The following DCAF17 variants were observed in gnomAD, a reference collection of about 807,000 sequenced individuals.
DCAF17 encodes the protein DDB1- and CUL4-associated factor 17.
A neutral mutation model predicts 66.0 loss-of-function variants in DCAF17; 48 were observed. The ratio of observed to expected loss-of-function variants is 0.73; its 90% CI spans 0.58 to 0.92. DCAF17 has a LOEUF of 0.92. DCAF17 is among the 40% of genes least tolerant of loss of function. The pLI, the probability that DCAF17 is intolerant of heterozygous loss-of-function variation, is 0.00. For missense variants in DCAF17, 562 were observed against 622.8 expected (o/e 0.90, Z 1.04); for synonymous variants, 206 against 214.6 (o/e 0.96, Z 0.35).
In DCAF17 at chr2:171,481,494, G is replaced by A. The variant is rs545393430; in HGVS notation, c.*380G>A. On this transcript the variant is annotated 3_prime_UTR_variant, in exon 14 of 14. Transcript: ENST00000375255. Reference sequence around the variant, plus strand: ...TATGGAATTTTGTTTGTTAAGGCTAGGAAAGACAGGGAGAGACAAAAGTAA... The same window carrying A: ...TATGGAATTTTGTTTGTTAAGGCTAAGAAAGACAGGGAGAGACAAAAGTAA... 58 of 456,482 alleles carry A rather than the reference G, an allele frequency of 1.3e-4. No homozygotes were observed. The highest frequency in any genetic ancestry group is 9.0e-4 in the South Asian group (58 of 64,500). 28.3% of individuals were successfully genotyped at this position (456,482 alleles called of 1,614,324 possible).
At chr2:171,448,891 C>T in intron 4 of DCAF17, 74 bp downstream of exon 4, 2 of 1,380,726 alleles carry the variant, frequency 1.4e-6, no homozygotes, top group Non-Finnish European at 2.0e-6. Flanking sequence ...AATTTCAAGC[C>T]TTTTTTCCCT....
At chr2:171,449,708 CATATGGGG>C (rs1170409610) in intron 4 of DCAF17, among the ~76,000 whole-genome samples, 163 bp from the exon 5 acceptor site, 44 of 151,980 alleles carry the variant, frequency 2.9e-4, no homozygotes, top group African/African-American at 9.9e-4. Context: ...GGGATATGTC[CATATGGGG>C]ATATAGAGGA....
At chr2:171,464,819 G>A (rs1695801380) in intron 8 of DCAF17, among the ~76,000 whole-genome samples, 1 of 151,964 alleles carries the variant, frequency 6.6e-6, no homozygotes, top group Non-Finnish European at 1.5e-5. Flanking sequence ...AACTCATACT[G>A]AGCTTCTTGA....
chr2:171,472,218 T>G (rs1696281852), intron 9 of DCAF17, among the ~76,000 whole-genome samples: 1 of 152,070 alleles, frequency 6.6e-6, no homozygotes, highest in African/African-American at 2.4e-5. Flanking sequence ...TTTACTCTGT[T>G]GCCCAGGCTG....
chr2:171,463,808 C>G (rs1161062502), intron 8 of DCAF17, among the ~76,000 whole-genome samples: 1 of 152,162 alleles, frequency 6.6e-6, no homozygotes, highest in Admixed American at 6.5e-5. Context: ...TGGCATTTTT[C>G]TAGAAATAAA....
Position 171,435,234 on chromosome 2 carries a change from T to A in DCAF17, c.230+48T>A, listed in dbSNP as rs1281473873. ...GCTGTAATTCACCTCACTGTTGATC[T>A]TAACTATAATTTGTATAGAACCACA... On this transcript the variant is annotated intron_variant, in intron 2 of 13. Transcript: ENST00000375255. 2.2e-6 allele frequency: 3 copies of A among 1,375,246 alleles called. No homozygotes were observed. The African/African-American group carries it at 4.3e-5, about 20-fold the overall frequency. 85.2% of individuals were successfully genotyped at this position (1,375,246 alleles called of 1,614,324 possible).
chr2:171,481,786 AG>A lies in DCAF17; in HGVS notation c.*673del, dbSNP rs1253025313. On this transcript the variant is annotated 3_prime_UTR_variant, in exon 14 of 14. Coordinates refer to ENST00000375255, the MANE Select transcript of DCAF17 (RefSeq NM_025000.4). ...GTGTTTCTATATAGGCTAATGTAAA[AG>A]ATTCCAAGCAAACCTTAAGTGAAAT... 10 of 453,422 alleles carry A rather than the reference AG, an allele frequency of 2.2e-5. No individual in the cohort carries two copies. Among genetic ancestry groups the A allele is most frequent in the Admixed American group, 1.9e-4 (8 of 42,478 alleles). The allele number at this position is 453,422 out of a possible 1,614,324, so 28.1% of individuals were successfully genotyped here.
intron 10 of DCAF17, 36 bp downstream of exon 10, chr2:171,474,011 A>G: frequency 6.5e-7 from 1 of 1,533,376 alleles, no homozygotes; most frequent in South Asian, 1.1e-5. Context: ...AGTTAAGAGC[A>G]GCTTTTGGTA....
At chr2:171,453,061 T>C in intron 5 of DCAF17, 63 bp from the exon 6 acceptor site, 1 of 1,179,062 alleles carries the variant, frequency 8.5e-7, no homozygotes, top group Non-Finnish European at 1.2e-6. Context: ...TTTCAACTAA[T>C]GAAAACAGTG....
intron 8 of DCAF17, among the ~76,000 whole-genome samples, chr2:171,467,743 A>C (rs867939564): frequency 0.013 from 1,949 of 151,582 alleles, 67 homozygotes; most frequent in African/African-American, 0.043. Flanking sequence ...AAAAAAAAAA[A>C]AAAAAAAAAA....
chr2:171,447,663 C>T (rs1427580602), intron 3 of DCAF17, among the ~76,000 whole-genome samples: 1 of 152,148 alleles, frequency 6.6e-6, no homozygotes, highest in African/African-American at 2.4e-5. Context: ...CACCTAGCCA[C>T]TTCTTTTTTT....
chr2:171,435,457 A>T (rs760780121), intron 2 of DCAF17, among the ~76,000 whole-genome samples: 1 of 152,166 alleles, frequency 6.6e-6, no homozygotes, highest in Non-Finnish European at 1.5e-5. Context: ...TGTTTAGTCT[A>T]CTTATACCAC....
rs748029308 is a variant in DCAF17, at chr2:171,448,679, A to G, written c.322-2A>G. On this transcript the variant is annotated splice_acceptor_variant, in intron 3 of 13. Coordinates refer to ENST00000375255, the MANE Select transcript of DCAF17 (RefSeq NM_025000.4). LOFTEE classifies it high-confidence loss of function. ...TTTTTATATCTCTCTTTTTTTTTTT[A>G]GGGAGATATACTTCCCAATTCATCA... 6.8e-7 allele frequency: 1 copy of G among 1,466,502 alleles called. No individual in the cohort carries two copies. The highest frequency in any genetic ancestry group is 1.5e-5 in the South Asian group (1 of 68,764). The allele number at this position is 1,466,502 out of a possible 1,614,324, so 90.8% of individuals were successfully genotyped here.
At chr2:171,468,503 G>A (rs914141597) in intron 8 of DCAF17, among the ~76,000 whole-genome samples, 6 of 152,142 alleles carry the variant, frequency 3.9e-5, no homozygotes, top group Non-Finnish European at 8.8e-5. Context: ...ATTATTATGA[G>A]AGTTGGAAAT....
At chr2:171,461,970 T>C (rs1375165814) in intron 8 of DCAF17, among the ~76,000 whole-genome samples, 1 of 152,238 alleles carries the variant, frequency 6.6e-6, no homozygotes, top group African/African-American at 2.4e-5. Flanking sequence ...ATTCGTTTCA[T>C]GTTGTTGCAT....
In DCAF17 at chr2:171,464,732, T is replaced by G. The variant is rs936139035; in HGVS notation, c.839-4156T>G. On this transcript the variant is annotated intron_variant, in intron 8 of 13. Coordinates refer to ENST00000375255, the MANE Select transcript of DCAF17 (RefSeq NM_025000.4). ...AAATGAACAGAGCTGAGAAATACAT[T>G]AAAACAAAAATTCATTAGCTCATTT... Among the ~76,000 whole-genome samples the G allele has an allele frequency of 3.3e-5, 5 of 152,178 alleles. No homozygotes were observed. The South Asian group carries it at 1.0e-3, about 32-fold the overall frequency.
Position 171,435,126 on chromosome 2 carries a change from C to A in DCAF17, c.170C>A (p.Ser57Ter). The A allele has an allele frequency of 6.2e-7, 1 of 1,613,534 alleles. No individual in the cohort carries two copies. The highest frequency in any genetic ancestry group is 1.1e-5 in the South Asian group (1 of 91,056). ...FKNVWTTHSR[S>*]PIAYERGRIY... ...AATGTCTGGACAACTCATTCCAGGT[C>A]ACCTATAGCCTATGAGAGAGGAAGA... Residue 57 changes from serine (S) to a stop codon, truncating the protein, a stop_gained, in exon 2 of 14, where the codon TCA becomes TAA. Transcript: ENST00000375255. LOFTEE classifies it high-confidence loss of function.
intron 8 of DCAF17, among the ~76,000 whole-genome samples, chr2:171,462,075 G>A (rs1695619925): frequency 6.6e-6 from 1 of 152,110 alleles, no homozygotes; most frequent in South Asian, 2.1e-4. Context: ...CAACAAAGTT[G>A]TAATCCTATC....
Position 171,434,458 on chromosome 2 carries a change from C to T in DCAF17, c.-120C>T, listed in dbSNP as rs1693626596. 6 of 1,504,612 alleles carry T rather than the reference C, an allele frequency of 4.0e-6. No individual in the cohort carries two copies. The highest frequency in any genetic ancestry group is 4.4e-6 in the Non-Finnish European group (5 of 1,124,136). 93.2% of individuals were successfully genotyped at this position (1,504,612 alleles called of 1,614,324 possible). A position where few individuals can be genotyped will look rare whatever the true frequency, so the allele number is the denominator to read the frequency against. ...GCCCGCCTCCCCGTGTCAGCTTTCCCTGGGCCCCGCCGGGAAAGTCTGGGC... is the reference window on the plus strand; with the variant it reads ...GCCCGCCTCCCCGTGTCAGCTTTCCTTGGGCCCCGCCGGGAAAGTCTGGGC... On this transcript the variant is annotated 5_prime_UTR_variant, in exon 1 of 14. Transcript: ENST00000375255.
Sources: gnomAD v4.1 joint callset for allele counts (sites outside exome capture counted in the v4.1 genomes callset) on GRCh38, gnomAD v4.1.1 for gene constraint, MANE v1.5 for transcripts, NCBI Gene and HGNC (gene_info 2026-07-23, HGNC 2026-07-21) for gene names.